SEMA3A: variants seen among roughly 807,000 people sequenced by gnomAD.
The protein encoded by SEMA3A is semaphorin-3A.
Under a neutral mutation model 97.9 loss-of-function variants are expected in SEMA3A, and 29 were observed. The observed-to-expected ratio is 0.30, with a 90% confidence interval of 0.22 to 0.40. The LOEUF is 0.40. Among genes scored for constraint, SEMA3A ranks in the 10% least tolerant of loss-of-function variants. The pLI, the probability that SEMA3A is intolerant of heterozygous loss-of-function variation, is 1.00. For synonymous variants in SEMA3A, 321 were observed against 323.7 expected, an observed-to-expected ratio of 0.99 and a Z score of 0.09; for missense variants, 763 against 951.3, an observed-to-expected ratio of 0.80 and a Z score of 2.60.
chr7:84,138,363 A>G (rs1297521670), intron 1 of SEMA3A, among the ~76,000 whole-genome samples: 1 of 152,118 alleles, frequency 6.6e-6, no homozygotes, highest in African/African-American at 2.4e-5. Context: ...AGAACAATGA[A>G]GTATTCCTTC....
chr7:84,261,291 A>G (rs1799850786), intron 3 of SEMA3A, among the ~76,000 whole-genome samples: 1 of 152,100 alleles, frequency 6.6e-6, no homozygotes, highest in Admixed American at 6.5e-5. Context: ...CTGTCTGCAT[A>G]CCTCATTCTT....
intron 5 of SEMA3A, among the ~76,000 whole-genome samples, chr7:84,053,849 A>C (rs1583881537): frequency 9.4e-6 from 1 of 106,756 alleles, no homozygotes; most frequent in Admixed American, 1.1e-4. Context: ...AGTGGCTGGT[A>C]CCGGTTGTTC....
intron 3 of SEMA3A, among the ~76,000 whole-genome samples, chr7:84,230,150 T>A (rs2116354247): frequency 6.6e-6 from 1 of 152,108 alleles, no homozygotes; most frequent in East Asian, 1.9e-4. Flanking sequence ...GATATGGCCT[T>A]TACTCAACTC....
At chr7:84,227,912 C>CGT (rs774464788) in intron 3 of SEMA3A, among the ~76,000 whole-genome samples, 22 of 149,610 alleles carry the variant, frequency 1.5e-4, no homozygotes, top group Non-Finnish European at 3.0e-4. Flanking sequence ...TGTGTGCGTG[C>CGT]GTGTGTGTGT....
chr7:84,426,291 GA>G (rs1804827246), intron 1 of SEMA3A, among the ~76,000 whole-genome samples: 2 of 151,566 alleles, frequency 1.3e-5, no homozygotes, highest in Non-Finnish European at 2.9e-5. Flanking sequence ...TAGATAGATA[GA>G]TAGATAGATA....
At chr7:83,969,231 A>T (rs1309026316) in intron 15 of SEMA3A, among the ~76,000 whole-genome samples, 1 of 152,244 alleles carries the variant, frequency 6.6e-6, no homozygotes, top group African/African-American at 2.4e-5. Context: ...CTATTATGAT[A>T]GATTCAACTG....
At chr7:84,063,569 C>T (rs1438628789) in intron 4 of SEMA3A, among the ~76,000 whole-genome samples, 1 of 150,142 alleles carries the variant, frequency 6.7e-6, no homozygotes, top group Non-Finnish European at 1.5e-5. Context: ...CAGAGAAGTG[C>T]TTAAAGGAGC....
intron 4 of SEMA3A, among the ~76,000 whole-genome samples, chr7:84,098,946 C>T (rs1417160839): frequency 6.6e-6 from 1 of 151,824 alleles, no homozygotes; most frequent in Non-Finnish European, 1.5e-5. Flanking sequence ...AAGCTATCAA[C>T]CATGCCAACA....
intron 1 of SEMA3A, among the ~76,000 whole-genome samples, chr7:84,481,311 TG>T (rs1257707391): frequency 6.6e-5 from 10 of 151,996 alleles, no homozygotes; most frequent in Non-Finnish European, 1.0e-4. Context: ...CTGCAAAGGG[TG>T]GGACTAAACC....
At position 83,980,623 on chromosome 7, in the gene SEMA3A, A is replaced by AATATAT. The variant is rs1554383378; in HGVS notation, c.1652+692_1652+697dup. ...CATCTCAAAAAAAAAAAAAAAAAAA[A>AATATAT]ATATATATATATATATACACACACA... is the stretch of plus-strand genomic sequence containing the variant. On this transcript the variant is annotated intron_variant, in intron 14 of 16. Transcript: ENST00000265362. 8.3e-3 allele frequency among the ~76,000 whole-genome samples: 595 copies of AATATAT among 71,558 alleles called. 16 individuals carry two copies. The highest frequency in any genetic ancestry group is 0.031 in the African/African-American group (372 of 11,974). 46.9% of individuals were successfully genotyped at this position (71,558 alleles called of 152,430 possible). A position where few individuals can be genotyped will look rare whatever the true frequency, so the allele number is the denominator to read the frequency against.
intron 4 of SEMA3A, among the ~76,000 whole-genome samples, chr7:84,073,057 AAGT>A (rs1387421285): frequency 2.0e-5 from 3 of 146,416 alleles, no homozygotes; most frequent in African/African-American, 8.3e-5. Context: ...AAACACACTA[AAGT>A]AGTAGAAACA....
intron 4 of SEMA3A, among the ~76,000 whole-genome samples, chr7:84,084,920 G>T (rs1168252830): frequency 6.6e-6 from 1 of 152,006 alleles, no homozygotes; most frequent in Non-Finnish European, 1.5e-5. Context: ...TTCCAAGATA[G>T]TATGTGTAGG....
intron 3 of SEMA3A, among the ~76,000 whole-genome samples, chr7:84,292,533 A>C (rs1309796934): frequency 6.6e-6 from 1 of 152,026 alleles, no homozygotes; most frequent in Non-Finnish European, 1.5e-5. Flanking sequence ...AACATGTAAG[A>C]GAAGAGCCTT....
chr7:84,221,333 C>A lies in SEMA3A; in HGVS notation c.-82-26665G>T, dbSNP rs551678236. Among the ~76,000 whole-genome samples the A allele has an allele frequency of 1.1e-3, 175 of 152,186 alleles. 1 individual carries two copies. Among genetic ancestry groups the A allele is most frequent in the African/African-American group, 3.9e-3 (164 of 41,534 alleles). On this transcript the variant is annotated intron_variant, in intron 3 of 3. Transcript: ENST00000424555. ...CAGACCACTAACATTTGCTCCATAT[C>A]AGCAATAAAGCTGTTTTACCTTCTT... is the stretch of plus-strand genomic sequence containing the variant.
intron 1 of SEMA3A, among the ~76,000 whole-genome samples, chr7:84,165,538 A>G (rs1797177748): frequency 6.6e-6 from 1 of 152,064 alleles, no homozygotes. Flanking sequence ...CTTGTAGCAT[A>G]GCTGGTTATA....
intron 1 of SEMA3A, among the ~76,000 whole-genome samples, chr7:84,154,441 G>C (rs973227796): frequency 6.6e-6 from 1 of 151,998 alleles, no homozygotes; most frequent in Non-Finnish European, 1.5e-5. Flanking sequence ...AATTTGGAAG[G>C]CCCAGGCAAG....
chr7:84,103,905 C>T (rs2115911255), intron 4 of SEMA3A, among the ~76,000 whole-genome samples: 1 of 151,984 alleles, frequency 6.6e-6, no homozygotes, highest in East Asian at 1.9e-4. Flanking sequence ...TTAATGGAGG[C>T]TTTTATGAAT....
chr7:84,298,225 A>G (rs1435232541), intron 3 of SEMA3A, among the ~76,000 whole-genome samples: 1 of 152,186 alleles, frequency 6.6e-6, no homozygotes, highest in Admixed American at 6.6e-5. Context: ...TCATAATAAC[A>G]TATGAGTTAA....
intron 2 of SEMA3A, among the ~76,000 whole-genome samples, chr7:84,352,793 G>A (rs1802467669): frequency 6.6e-6 from 1 of 151,796 alleles, no homozygotes; most frequent in Non-Finnish European, 1.5e-5. Context: ...CTATCAGAAA[G>A]TAAGTAGATT....
Sources: gnomAD v4.1 joint callset for allele counts (sites outside exome capture counted in the v4.1 genomes callset) on GRCh38, gnomAD v4.1.1 for gene constraint, MANE v1.5 for transcripts, NCBI Gene and HGNC (gene_info 2026-07-23, HGNC 2026-07-21) for gene names.